The following WWTR1 variants were observed in gnomAD, a reference collection of about 807,000 sequenced individuals.
WWTR1 encodes WW domain containing transcription regulator 1.
A neutral mutation model predicts 40.1 loss-of-function variants in WWTR1; 13 were observed. That is an observed-to-expected ratio of 0.32 (90% CI 0.21 to 0.52). WWTR1 has a LOEUF of 0.52. Ranked by LOEUF, WWTR1 falls within the 20% of genes least tolerant of loss-of-function variation. The pLI, the probability that WWTR1 is intolerant of heterozygous loss-of-function variation, is 0.97. For missense variants in WWTR1, 436 were observed against 523.1 expected, an observed-to-expected ratio of 0.83 and a Z score of 1.63; for synonymous variants, 230 against 210.1, an observed-to-expected ratio of 1.09 and a Z score of -0.82.
upstream of WWTR1, chr3:149,658,195 G>C (rs903293943): frequency 2.6e-5 from 4 of 153,440 alleles, no homozygotes; most frequent in Non-Finnish European, 4.4e-5. Flanking sequence ...AACCCTGGGC[G>C]TGATGGGTAC....
At chr3:149,543,582 A>G (rs1736230714) in intron 3 of WWTR1, among the ~76,000 whole-genome samples, 1 of 143,056 alleles carries the variant, frequency 7.0e-6, no homozygotes, top group Non-Finnish European at 1.5e-5. Flanking sequence ...CTCTGTCTCA[A>G]AAAAAAAAAA....
At chr3:149,535,449 C>T (rs553585975) in intron 4 of WWTR1, among the ~76,000 whole-genome samples, 1 of 152,196 alleles carries the variant, frequency 6.6e-6, no homozygotes, top group South Asian at 2.1e-4. Context: ...TGCACTGTCA[C>T]ACTTCCCGGA....
At chr3:149,535,528 A>G (rs748107226) in intron 4 of WWTR1, among the ~76,000 whole-genome samples, 2 of 152,178 alleles carry the variant, frequency 1.3e-5, no homozygotes, top group Non-Finnish European at 2.9e-5. Context: ...AGAACAATCG[A>G]AACTGCGATA....
intron 2 of WWTR1, among the ~76,000 whole-genome samples, chr3:149,607,241 A>G (rs1739529542): frequency 6.6e-6 from 1 of 152,212 alleles, no homozygotes; most frequent in Non-Finnish European, 1.5e-5. Context: ...TGTGTAACAT[A>G]AATATAAATC....
At chr3:149,699,738 G>C (rs1715111875) in intron 1 of WWTR1, among the ~76,000 whole-genome samples, 1 of 152,154 alleles carries the variant, frequency 6.6e-6, no homozygotes, top group African/African-American at 2.4e-5. Context: ...GATCAGCCTG[G>C]ACTTTACTGT....
intron 4 of WWTR1, among the ~76,000 whole-genome samples, chr3:149,536,447 G>A (rs892420727): frequency 2.0e-5 from 3 of 151,296 alleles, no homozygotes; most frequent in Non-Finnish European, 2.9e-5. Flanking sequence ...CTCCTAGCTC[G>A]CTAAATAGCT....
Position 149,526,005 on chromosome 3 carries a change from G to GCTC in WWTR1, c.1018+5_1018+7dup, listed in dbSNP as rs1448796563. Reference sequence around the variant, plus strand: ...CCCATTGTAAGTGCTTGCAGGCTTTGCTCCTACCTGTATCCATCTCATCCA... The same window carrying GCTC: ...CCCATTGTAAGTGCTTGCAGGCTTTGCTCCTCCTACCTGTATCCATCTCATCCA... On this transcript the variant is annotated splice_region_variant and intron_variant, in intron 6 of 6. Transcript: ENST00000360632. The GCTC allele has an allele frequency of 9.6e-6, 15 of 1,562,044 alleles. No individual in the cohort carries two copies. Among genetic ancestry groups the GCTC allele is most frequent in the Non-Finnish European group, 1.3e-5 (15 of 1,151,796 alleles).
In WWTR1 at chr3:149,524,751, C is replaced by T. The variant is rs16861936; in HGVS notation, c.1018+1262G>A. 9.9e-5 allele frequency among the ~76,000 whole-genome samples: 15 copies of T among 152,222 alleles called. No individual in the cohort carries two copies. The South Asian group carries it at 1.7e-3, about 17-fold the overall frequency. On this transcript the variant is annotated intron_variant, in intron 6 of 6. Transcript: ENST00000360632. ...TGAGTTTGACTCTTGATCTTTCCAA[C>T]AATTTAGACTCACAACACAAAGAGA...
chr3:149,557,735 G>T (rs6787496), intron 3 of WWTR1, among the ~76,000 whole-genome samples: 11,255 of 151,978 alleles, frequency 0.074, 1,068 homozygotes, highest in East Asian at 0.44. Flanking sequence ...AGGCACAGTG[G>T]CTCACCCCTG....
chr3:149,561,982 T>C (rs1737100827), intron 3 of WWTR1, among the ~76,000 whole-genome samples: 1 of 152,094 alleles, frequency 6.6e-6, no homozygotes, highest in Admixed American at 6.5e-5. Flanking sequence ...TTAAAACAAC[T>C]CATCAAAAAA....
At chr3:149,672,248 C>G (rs527589637) in intron 1 of WWTR1, among the ~76,000 whole-genome samples, 3 of 152,178 alleles carry the variant, frequency 2.0e-5, no homozygotes, top group Non-Finnish European at 4.4e-5. Flanking sequence ...GTTCGCCAAC[C>G]GCTTTCCTAG....
chr3:149,599,985 A>G (rs1293608598), intron 2 of WWTR1, among the ~76,000 whole-genome samples: 1 of 152,256 alleles, frequency 6.6e-6, no homozygotes, highest in Non-Finnish European at 1.5e-5. Flanking sequence ...TACAAATAAA[A>G]AACAATACAA....
chr3:149,647,088 G>T (rs957693415), intron 2 of WWTR1, among the ~76,000 whole-genome samples: 1 of 152,046 alleles, frequency 6.6e-6, no homozygotes, highest in South Asian at 2.1e-4. Context: ...CACTACCATT[G>T]TGTTGTGTTG....
intron 2 of WWTR1, among the ~76,000 whole-genome samples, chr3:149,618,544 T>C (rs1740113587): frequency 6.6e-6 from 1 of 152,114 alleles, no homozygotes; most frequent in Non-Finnish European, 1.5e-5. Context: ...TGTTTAACAA[T>C]CTAATAGCTA....
chr3:149,590,505 C>A (rs2108028898), intron 2 of WWTR1, among the ~76,000 whole-genome samples: 1 of 152,154 alleles, frequency 6.6e-6, no homozygotes, highest in Non-Finnish European at 1.5e-5. Context: ...CAAAAATTCA[C>A]CAGGCATGGT....
intron 3 of WWTR1, among the ~76,000 whole-genome samples, chr3:149,549,286 A>C (rs975567551): frequency 6.6e-6 from 1 of 152,220 alleles, no homozygotes; most frequent in Non-Finnish European, 1.5e-5. Context: ...GATCAAGGTC[A>C]ACATTAACAG....
At chr3:149,681,266 C>T (rs1021368229) in intron 1 of WWTR1, among the ~76,000 whole-genome samples, 1 of 152,222 alleles carries the variant, frequency 6.6e-6, no homozygotes, top group African/African-American at 2.4e-5. Context: ...CTGTTTTCCA[C>T]AGTGGCTGTA....
chr3:149,565,566 T>G (rs60234416), intron 3 of WWTR1, among the ~76,000 whole-genome samples: 27,443 of 152,112 alleles, frequency 0.18, 3,592 homozygotes, highest in East Asian at 0.72. Context: ...TTTGGTAATT[T>G]TTTTCAGTCT....
chr3:149,648,504 A>G (rs996023265), intron 2 of WWTR1, among the ~76,000 whole-genome samples: 1 of 151,968 alleles, frequency 6.6e-6, no homozygotes, highest in African/African-American at 2.4e-5. Flanking sequence ...GGCCTATGGG[A>G]GGAGGAGCAG....
Sources: gnomAD v4.1 joint callset for allele counts (sites outside exome capture counted in the v4.1 genomes callset) on GRCh38, gnomAD v4.1.1 for gene constraint, MANE v1.5 for transcripts, NCBI Gene and HGNC (gene_info 2026-07-23, HGNC 2026-07-21) for gene names.